Variants in SORCS3 observed in about 807,000 individuals in gnomAD.
SORCS3 encodes VPS10 domain-containing receptor SorCS3.
A neutral mutation model predicts 146.3 loss-of-function variants in SORCS3; 57 were observed. The observed-to-expected ratio is 0.39, with a 90% CI of 0.31 to 0.49. SORCS3 has a LOEUF of 0.49. SORCS3 is among the 20% of genes least tolerant of loss of function. SORCS3 has a pLI of 0.92. For missense variants in SORCS3, 1,341 were observed against 1,575.5 expected, an observed-to-expected ratio of 0.85 and a Z score of 2.52; for synonymous variants, 653 against 618.5, an observed-to-expected ratio of 1.06 and a Z score of -0.83.
chr10:104,930,622 T>C (rs2019197264), intron 3 of SORCS3, among the ~76,000 whole-genome samples: 1 of 152,186 alleles, frequency 6.6e-6, no homozygotes, highest in Non-Finnish European at 1.5e-5. Flanking sequence ...GGAAAATGCC[T>C]TAGTGTTCAA....
intron 1 of SORCS3, among the ~76,000 whole-genome samples, chr10:104,766,798 G>A (rs1001395875): frequency 3.9e-5 from 6 of 152,206 alleles, no homozygotes; most frequent in African/African-American, 1.4e-4. Context: ...GCTGTGTGTG[G>A]TGGAGTATAA....
chr10:104,930,201 A>G (rs376658624), intron 3 of SORCS3, among the ~76,000 whole-genome samples: 98 of 152,344 alleles, frequency 6.4e-4, no homozygotes, highest in African/African-American at 2.3e-3. Context: ...AAAAAGGTAT[A>G]AGGTAAATAC....
chr10:104,788,931 G>A (rs774969737), intron 1 of SORCS3, among the ~76,000 whole-genome samples: 35 of 152,192 alleles, frequency 2.3e-4, no homozygotes, highest in Non-Finnish European at 4.6e-4. Flanking sequence ...ACACCACACC[G>A]ATTTGTTATG....
chr10:105,094,864 A>G (rs1452269), intron 6 of SORCS3, among the ~76,000 whole-genome samples: 52,550 of 152,010 alleles, frequency 0.35, 9,324 homozygotes, highest in Admixed American at 0.42. Context: ...AAGGCTGTAA[A>G]TTATAATCTG....
intron 3 of SORCS3, among the ~76,000 whole-genome samples, chr10:104,931,740 GC>G (rs1203869405): frequency 2.0e-5 from 3 of 152,220 alleles, no homozygotes; most frequent in East Asian, 1.9e-4. Flanking sequence ...GCTATTGACA[GC>G]CTGTTTTTAT....
intron 2 of SORCS3, among the ~76,000 whole-genome samples, chr10:104,908,678 GC>G (rs1235633135): frequency 6.6e-6 from 1 of 152,178 alleles, no homozygotes; most frequent in Non-Finnish European, 1.5e-5. Flanking sequence ...CTTTTGAGAA[GC>G]TTTTAGCAAT....
intron 4 of SORCS3, among the ~76,000 whole-genome samples, chr10:105,040,668 G>A (rs2055332772): frequency 1.3e-5 from 2 of 152,072 alleles, no homozygotes; most frequent in South Asian, 2.1e-4. Flanking sequence ...TGTGTACTAT[G>A]TAATTTAGTG....
intron 1 of SORCS3, among the ~76,000 whole-genome samples, chr10:104,767,400 A>G (rs917787191): frequency 2.6e-5 from 4 of 152,182 alleles, no homozygotes; most frequent in African/African-American, 4.8e-5. Context: ...TACCTGCTCA[A>G]TAAAGTTCCA....
At chr10:104,825,347 C>T (rs972088228) in intron 1 of SORCS3, among the ~76,000 whole-genome samples, 2 of 152,172 alleles carry the variant, frequency 1.3e-5, no homozygotes, top group Non-Finnish European at 2.9e-5. Context: ...ATAGGGTAAG[C>T]CCCTTTCCTA....
chr10:104,833,188 G>A (rs1430657921), intron 1 of SORCS3, among the ~76,000 whole-genome samples: 4 of 152,288 alleles, frequency 2.6e-5, no homozygotes, highest in East Asian at 3.9e-4. Context: ...GGTGACTAGC[G>A]CAATCTGAAA....
intron 3 of SORCS3, among the ~76,000 whole-genome samples, chr10:104,974,906 C>T (rs930586849): frequency 1.3e-5 from 2 of 152,040 alleles, no homozygotes; most frequent in African/African-American, 4.8e-5. Flanking sequence ...GACAAAATCT[C>T]TCAGCATTTG....
At chr10:105,075,793 C>A (rs140232080) in intron 5 of SORCS3, among the ~76,000 whole-genome samples, 168 of 152,226 alleles carry the variant, frequency 1.1e-3, no homozygotes, top group Middle Eastern at 3.4e-3. Context: ...GAAGGGATCC[C>A]TAGTCTCCTT....
At chr10:104,930,791 G>C (rs2019198720) in intron 3 of SORCS3, among the ~76,000 whole-genome samples, 1 of 152,162 alleles carries the variant, frequency 6.6e-6, no homozygotes, top group South Asian at 2.1e-4. Flanking sequence ...TGGGGGCTTA[G>C]GCACATCATT....
chr10:104,642,022 G>GGGGGGGGGGGGCCCCCCCC, intron 1 of SORCS3, 68 bp downstream of exon 1: 1 of 173,334 alleles, frequency 5.8e-6, no homozygotes, highest in Non-Finnish European at 1.1e-5. Context: ...GGGTGGGTGG[G>GGGGGGGGGGGGCCCCCCCC]AGCGAGGGAC....
At chr10:104,913,532 G>T (rs1028917060) in intron 2 of SORCS3, among the ~76,000 whole-genome samples, 2 of 152,156 alleles carry the variant, frequency 1.3e-5, no homozygotes, top group African/African-American at 4.8e-5. Context: ...AGTAGCCTAG[G>T]GAGGGGTTTG....
At chr10:105,100,596 C>G (rs2055777172) in intron 6 of SORCS3, among the ~76,000 whole-genome samples, 1 of 152,198 alleles carries the variant, frequency 6.6e-6, no homozygotes, top group Non-Finnish European at 1.5e-5. Context: ...CTTTGAAGTT[C>G]TCCTTGATTT....
chr10:104,693,878 T>C (rs377603827), intron 1 of SORCS3, among the ~76,000 whole-genome samples: 52 of 152,296 alleles, frequency 3.4e-4, no homozygotes, highest in African/African-American at 1.1e-3. Context: ...CCATCCAATT[T>C]ATCCTATATA....
chr10:105,025,501 T>C (rs752438589), intron 4 of SORCS3, among the ~76,000 whole-genome samples: 1 of 152,160 alleles, frequency 6.6e-6, no homozygotes, highest in Non-Finnish European at 1.5e-5. Context: ...TTTTTGACTG[T>C]GTGTTTGAGG....
At chr10:104,734,355 C>T (rs896984102) in intron 1 of SORCS3, among the ~76,000 whole-genome samples, 9 of 152,202 alleles carry the variant, frequency 5.9e-5, no homozygotes. Flanking sequence ...GGGCCTGGAG[C>T]TCTAGAAGAG....
Sources: allele counts gnomAD v4.1 joint callset (sites outside exome capture counted in the v4.1 genomes callset), GRCh38; gene constraint gnomAD v4.1.1; transcripts MANE v1.5; gene names NCBI Gene and HGNC (gene_info 2026-07-23, HGNC 2026-07-21).